Variants in SH3RF3 observed in about 807,000 individuals in gnomAD.
The protein encoded by SH3RF3 is E3 ubiquitin-protein ligase SH3RF3.
In SH3RF3, 29 loss-of-function variants were observed where a neutral mutation model predicts 66.3. The observed-to-expected ratio is 0.44, with a 90% confidence interval of 0.33 to 0.60. The LOEUF is 0.60. Among genes scored for constraint, SH3RF3 ranks in the 20% least tolerant of loss-of-function variants. The pLI is 0.04. For synonymous variants in SH3RF3, 583 were observed against 532.0 expected (o/e 1.10, Z -1.32); for missense variants, 1,194 against 1,190.9 (o/e 1.00, Z -0.04).
At chr2:109,222,730 C>G (rs1205059682) in intron 1 of SH3RF3, among the ~76,000 whole-genome samples, 1 of 152,250 alleles carries the variant, frequency 6.6e-6, no homozygotes, top group Admixed American at 6.5e-5. Flanking sequence ...CTTTCTTCTA[C>G]CACTGACATC....
rs1675921639 is a variant in SH3RF3 at position 109,389,483 on chromosome 2, A to G, written c.946-9107A>G. On this transcript the variant is annotated intron_variant, in intron 3 of 9. Coordinates refer to ENST00000309415, the MANE Select transcript of SH3RF3 (RefSeq NM_001099289.3). ...GTCTGTGAAGCTACTTCCATACCAC[A>G]TGGACGCATGCCAATATTTATTCTA... Among the ~76,000 whole-genome samples the G allele has an allele frequency of 6.6e-5, 10 of 152,300 alleles. No homozygotes were observed. In the South Asian group the frequency reaches 2.1e-3, roughly 32 times the overall value.
chr2:109,402,064 C>A (rs73955575), intron 4 of SH3RF3, among the ~76,000 whole-genome samples: 1 of 152,268 alleles, frequency 6.6e-6, no homozygotes, highest in African/African-American at 2.4e-5. Context: ...ATCGAGCTGC[C>A]GGGAGACAGA....
chr2:109,301,352 GTT>G (rs905273823), intron 1 of SH3RF3, among the ~76,000 whole-genome samples: 18 of 68,864 alleles, frequency 2.6e-4, no homozygotes, highest in Non-Finnish European at 4.4e-4. Flanking sequence ...GTGTGTGTGT[GTT>G]TGTGTATGTT....
intron 1 of SH3RF3, among the ~76,000 whole-genome samples, chr2:109,173,565 T>C (rs2163259): frequency 0.82 from 124,974 of 152,116 alleles, 51,467 homozygotes; most frequent in East Asian, 0.89. Flanking sequence ...ACAGCAGAGC[T>C]GGTGGCTGCG....
In SH3RF3 at chr2:109,129,291, C is replaced by T. The variant is rs996949921; in HGVS notation, c.-250C>T. ...CGGCGGGACAGGTGTAGCCCGCAGC[C>T]GCAGGCGCTGCGCTCAGGACTGGGC... is the stretch of plus-strand genomic sequence containing the variant. On this transcript the variant is annotated 5_prime_UTR_variant, in exon 1 of 10. Transcript: ENST00000309415. 2.9e-6 allele frequency: 2 copies of T among 691,384 alleles called. No homozygotes were observed. The highest frequency in any genetic ancestry group is 4.8e-6 in the Non-Finnish European group (2 of 414,436). 42.8% of individuals were successfully genotyped at this position (691,384 alleles called of 1,614,324 possible).
At chr2:109,326,359 C>CT (rs1010103615) in intron 1 of SH3RF3, among the ~76,000 whole-genome samples, 15 of 150,808 alleles carry the variant, frequency 9.9e-5, no homozygotes, top group South Asian at 8.4e-4. Context: ...TGTTGTTGTT[C>CT]TTTTTTTTTA....
At chr2:109,207,347 TTC>T (rs1431795225) in intron 1 of SH3RF3, among the ~76,000 whole-genome samples, 1 of 152,236 alleles carries the variant, frequency 6.6e-6, no homozygotes, top group East Asian at 1.9e-4. Flanking sequence ...GTCTTCTGTG[TTC>T]TCTTTGTCTC....
rs114327297 is a variant in SH3RF3 at position 109,371,571 on chromosome 2, G to A, written c.850-15G>A. 4.6e-4 allele frequency: 746 copies of A among 1,612,628 alleles called. 2 individuals carry two copies. The African/African-American group carries it at 8.8e-3, about 19-fold the overall frequency. On this transcript the variant is annotated splice_polypyrimidine_tract_variant and intron_variant, in intron 2 of 9. Coordinates refer to ENST00000309415, the MANE Select transcript of SH3RF3 (RefSeq NM_001099289.3). Reference sequence around the variant, plus strand: ...TGTCCGTATGCTTGTGTCCACGGTGGACCCGGAACTGCAGGACGAGATTCT... The same window carrying A: ...TGTCCGTATGCTTGTGTCCACGGTGAACCCGGAACTGCAGGACGAGATTCT...
intron 1 of SH3RF3, among the ~76,000 whole-genome samples, chr2:109,145,233 G>A (rs1677065117): frequency 6.6e-6 from 1 of 152,104 alleles, no homozygotes; most frequent in South Asian, 2.1e-4. Flanking sequence ...TCCTGACCAC[G>A]GTCTCCCCAG....
At chr2:109,195,965 G>A (rs988296311) in intron 1 of SH3RF3, among the ~76,000 whole-genome samples, 2 of 152,148 alleles carry the variant, frequency 1.3e-5, no homozygotes, top group Non-Finnish European at 2.9e-5. Flanking sequence ...GGTACCTTGC[G>A]GGCCTTCTGG....
chr2:109,264,073 C>G (rs968234054), intron 1 of SH3RF3, among the ~76,000 whole-genome samples: 1 of 152,230 alleles, frequency 6.6e-6, no homozygotes, highest in Non-Finnish European at 1.5e-5. Flanking sequence ...CAGCTCCTCC[C>G]TGTCTTTAAG....
intron 1 of SH3RF3, among the ~76,000 whole-genome samples, chr2:109,329,625 G>A (rs1294423964): frequency 6.6e-6 from 1 of 152,218 alleles, no homozygotes; most frequent in Non-Finnish European, 1.5e-5. Context: ...TCCCTCAAGG[G>A]AGGACACTTT....
chr2:109,161,212 G>A (rs541294056), intron 1 of SH3RF3, among the ~76,000 whole-genome samples: 1 of 152,340 alleles, frequency 6.6e-6, no homozygotes, highest in Admixed American at 6.5e-5. Flanking sequence ...GGGCAGGTGA[G>A]AGGTGGGGAA....
At chr2:109,485,625 C>T (rs974979955) in intron 8 of SH3RF3, among the ~76,000 whole-genome samples, 4 of 152,200 alleles carry the variant, frequency 2.6e-5, no homozygotes, top group African/African-American at 7.2e-5. Context: ...TATGAATAAA[C>T]GCCTTCAAAA....
chr2:109,497,635 T>C (rs1209445099), intron 9 of SH3RF3, among the ~76,000 whole-genome samples: 1 of 152,182 alleles, frequency 6.6e-6, no homozygotes, highest in Non-Finnish European at 1.5e-5. Flanking sequence ...TCTGTGTCTA[T>C]AACGGGGAGT....
At chr2:109,243,756 C>G (rs1225649886) in intron 1 of SH3RF3, among the ~76,000 whole-genome samples, 2 of 152,082 alleles carry the variant, frequency 1.3e-5, no homozygotes, top group Admixed American at 1.3e-4. Flanking sequence ...CGGGGTGGCC[C>G]GAGTGGTTTT....
At chr2:109,361,253 T>G (rs1014924587) in intron 2 of SH3RF3, among the ~76,000 whole-genome samples, 4 of 152,210 alleles carry the variant, frequency 2.6e-5, no homozygotes, top group Non-Finnish European at 1.5e-5. Flanking sequence ...ATATTTGCGT[T>G]TATGTTCATG....
At chr2:109,319,336 T>C (rs891427) in intron 1 of SH3RF3, among the ~76,000 whole-genome samples, 92,566 of 152,180 alleles carry the variant, frequency 0.61, 29,979 homozygotes, top group East Asian at 0.91. Flanking sequence ...CAGTGCAGGT[T>C]AGTTGACTGC....
chr2:109,161,224 C>T (rs554541407), intron 1 of SH3RF3, among the ~76,000 whole-genome samples: 1 of 152,300 alleles, frequency 6.6e-6, no homozygotes, highest in Admixed American at 6.5e-5. Context: ...GGTGGGGAAT[C>T]CCCACCTTAT....
Sources: allele counts gnomAD v4.1 joint callset (sites outside exome capture counted in the v4.1 genomes callset), GRCh38; gene constraint gnomAD v4.1.1; transcripts MANE v1.5; gene names NCBI Gene and HGNC (gene_info 2026-07-23, HGNC 2026-07-21).